Variants in SGCD observed in about 807,000 individuals in gnomAD.
The protein encoded by SGCD is sarcoglycan delta.
A neutral mutation model predicts 36.6 loss-of-function variants in SGCD; 18 were observed. The observed-to-expected ratio is 0.49, with a 90% CI of 0.34 to 0.73. SGCD has a LOEUF of 0.73. Ranked by LOEUF, SGCD falls within the 30% of genes least tolerant of loss-of-function variation. SGCD has a pLI of 0.01. For missense variants in SGCD, 387 were observed against 346.7 expected, an observed-to-expected ratio of 1.12 and a Z score of -0.92; for synonymous variants, 133 against 130.6, an observed-to-expected ratio of 1.02 and a Z score of -0.12.
chr5:156,045,616 G>A (rs370282017), intron 1 of SGCD, among the ~76,000 whole-genome samples: 3 of 152,242 alleles, frequency 2.0e-5, no homozygotes, highest in South Asian at 2.1e-4. Flanking sequence ...GAGGTTTGAT[G>A]TTCTAGATCC....
In SGCD at chr5:156,513,530, T is replaced by G. The variant is rs538883225; in HGVS notation, c.294+4828T>G. ...GGGGTATCACCTTCTGCTTTTCCTA[T>G]TGAAAAGAGATCAGTGTCCAGTTGA... On this transcript the variant is annotated intron_variant, in intron 4 of 8. Coordinates refer to ENST00000337851, the MANE Select transcript of SGCD (RefSeq NM_000337.6). Among the ~76,000 whole-genome samples the G allele has an allele frequency of 7.9e-5, 12 of 152,274 alleles. No individual in the cohort carries two copies. In the East Asian group the frequency reaches 2.1e-3, roughly 27 times the overall value.
intron 1 of SGCD, among the ~76,000 whole-genome samples, chr5:156,000,220 G>A (rs1758636298): frequency 1.3e-5 from 2 of 152,256 alleles, no homozygotes; most frequent in South Asian, 4.1e-4. Flanking sequence ...TGGGCCTGGG[G>A]TACACACAGG....
At chr5:156,274,715 G>A (rs887006369) in intron 3 of SGCD, among the ~76,000 whole-genome samples, 1 of 152,142 alleles carries the variant, frequency 6.6e-6, no homozygotes, top group South Asian at 2.1e-4. Flanking sequence ...AATCAACAGA[G>A]ACCACAGAGG....
intron 2 of SGCD, among the ~76,000 whole-genome samples, chr5:156,342,807 C>A (rs540572341): frequency 6.6e-6 from 1 of 152,316 alleles, no homozygotes; most frequent in Non-Finnish European, 1.5e-5. Flanking sequence ...CCTTTACATA[C>A]CCCCAGACAG....
At chr5:156,082,466 T>A (rs547964127) in intron 1 of SGCD, among the ~76,000 whole-genome samples, 4 of 152,346 alleles carry the variant, frequency 2.6e-5, no homozygotes, top group African/African-American at 9.6e-5. Flanking sequence ...TAGTGTTCTA[T>A]AACTCAAATC....
intron 1 of SGCD, among the ~76,000 whole-genome samples, chr5:156,096,596 G>A (rs1190520097): frequency 2.0e-5 from 3 of 152,150 alleles, no homozygotes; most frequent in South Asian, 2.1e-4. Context: ...CAGCCGTCAG[G>A]TAATCTCCTA....
At chr5:155,932,900 T>C (rs1018067350) in intron 1 of SGCD, among the ~76,000 whole-genome samples, 3 of 152,194 alleles carry the variant, frequency 2.0e-5, no homozygotes, top group African/African-American at 7.2e-5. Context: ...GTATTCCATT[T>C]TTGCCTTTTC....
intron 3 of SGCD, among the ~76,000 whole-genome samples, chr5:156,461,191 A>T (rs1342290376): frequency 6.6e-6 from 1 of 152,192 alleles, no homozygotes; most frequent in Non-Finnish European, 1.5e-5. Flanking sequence ...AATTCTAAAA[A>T]GCATGTAAAA....
chr5:155,864,501 A>G, the SGCD span, among the ~76,000 whole-genome samples: 2 of 150,944 alleles, frequency 1.3e-5, no homozygotes, highest in African/African-American at 4.9e-5. Flanking sequence ...TAATTAAATT[A>G]AAAAAAAAGG....
the SGCD span, among the ~76,000 whole-genome samples, chr5:155,752,597 G>A: frequency 5.3e-5 from 8 of 152,070 alleles, no homozygotes; most frequent in Non-Finnish European, 1.2e-4. Context: ...TTCCTAGGCA[G>A]GTCTGATTCC....
At chr5:155,844,115 G>GA in the SGCD span, among the ~76,000 whole-genome samples, 65,911 of 150,104 alleles carry the variant, frequency 0.44, 14,788 homozygotes, top group Admixed American at 0.6. Context: ...TTCAAAAGGG[G>GA]AAAAAAAAAC....
intron 3 of SGCD, among the ~76,000 whole-genome samples, chr5:156,375,801 G>T (rs906867892): frequency 6.6e-6 from 1 of 151,978 alleles, no homozygotes; most frequent in African/African-American, 2.4e-5. Context: ...TGACTATAGC[G>T]CATCCTACTG....
chr5:156,495,130 G>A (rs1756126861), intron 3 of SGCD, among the ~76,000 whole-genome samples: 1 of 152,122 alleles, frequency 6.6e-6, no homozygotes, highest in Non-Finnish European at 1.5e-5. Context: ...ACACATGGAT[G>A]AAATATGGGA....
the SGCD span, among the ~76,000 whole-genome samples, chr5:155,729,550 G>T: frequency 6.6e-6 from 1 of 152,236 alleles, no homozygotes; most frequent in Non-Finnish European, 1.5e-5. Flanking sequence ...ATGCCCGATT[G>T]TCTTGATCCG....
the SGCD span, among the ~76,000 whole-genome samples, chr5:155,768,311 A>G: frequency 6.7e-6 from 1 of 148,326 alleles, no homozygotes; most frequent in Non-Finnish European, 1.5e-5. Context: ...TTCCTAAACT[A>G]TTTTGAAATA....
rs545749204 is a variant in SGCD at position 156,348,922 on chromosome 5, G to A, written c.192+4245G>A. ...AGTAGACACATTGACCAATGGAACC[G>A]AAGAGAGAACCGAGAAATAAAACCT... On this transcript the variant is annotated intron_variant, in intron 3 of 8. Transcript: ENST00000337851. 8.1e-4 allele frequency among the ~76,000 whole-genome samples: 123 copies of A among 152,110 alleles called. 1 individual carries two copies. Among genetic ancestry groups the A allele is most frequent in the African/African-American group, 2.7e-3 (113 of 41,506 alleles).
At chr5:156,470,574 A>G (rs868826460) in intron 3 of SGCD, among the ~76,000 whole-genome samples, 18 of 148,964 alleles carry the variant, frequency 1.2e-4, no homozygotes, top group African/African-American at 3.5e-4. Context: ...ATTCCCACCT[A>G]TGAGTGAGAA....
the SGCD span, among the ~76,000 whole-genome samples, chr5:155,796,806 C>CAAAAAAAAAAAAAAA: frequency 2.6e-3 from 131 of 51,310 alleles, 4 homozygotes; most frequent in Non-Finnish European, 3.3e-3. Flanking sequence ...AACTCCATCT[C>CAAAAAAAAAAAAAAA]AAAAAAAAAA....
At chr5:156,508,359 G>A (rs1223739116) in intron 3 of SGCD, among the ~76,000 whole-genome samples, 1 of 152,128 alleles carries the variant, frequency 6.6e-6, no homozygotes, top group Non-Finnish European at 1.5e-5. Flanking sequence ...GTGTGTGGAT[G>A]ACTAGGGGGC....
Sources: allele counts gnomAD v4.1 joint callset (sites outside exome capture counted in the v4.1 genomes callset), GRCh38; gene constraint gnomAD v4.1.1; transcripts MANE v1.5; gene names NCBI Gene and HGNC (gene_info 2026-07-23, HGNC 2026-07-21).